The following POLR1D variants were observed in gnomAD, a reference collection of about 807,000 sequenced individuals.
The protein encoded by POLR1D is RNA polymerase I and III subunit D.
A neutral mutation model predicts 10.8 loss-of-function variants in POLR1D; 8 were observed. The ratio of observed to expected loss-of-function variants is 0.74; its 90% CI spans 0.43 to 1.33. The LOEUF is 1.33. Ranked by LOEUF, POLR1D falls within the 40% of genes most tolerant of loss-of-function variation. The pLI is 0.01. For missense variants in POLR1D, 152 were observed against 161.7 expected (o/e 0.94, Z 0.32); for synonymous variants, 54 against 57.2 (o/e 0.94, Z 0.25).
intron 1 of POLR1D, among the ~76,000 whole-genome samples, chr13:27,640,634 A>G (rs1466955475): frequency 6.6e-6 from 1 of 152,166 alleles, no homozygotes; most frequent in Non-Finnish European, 1.5e-5. Context: ...ACATTTTGCA[A>G]TCTTAAATCA....
chr13:27,645,242 G>A (rs1238736005), intron 1 of POLR1D, among the ~76,000 whole-genome samples: 1 of 152,108 alleles, frequency 6.6e-6, no homozygotes, highest in African/African-American at 2.4e-5. Flanking sequence ...TGCAGTAGTG[G>A]CACTCTGTTA....
chr13:27,665,893 C>T (rs370713004), exon 3 of POLR1D: 11 of 1,613,876 alleles, frequency 6.8e-6, no homozygotes, highest in Admixed American at 3.3e-5. Context: ...CCGCCAGTTA[C>T]TCCCCGCCAC....
At chr13:27,662,285 G>T (rs529894171) in intron 2 of POLR1D, among the ~76,000 whole-genome samples, 2 of 152,050 alleles carry the variant, frequency 1.3e-5, no homozygotes, top group Admixed American at 1.3e-4. Context: ...TAAAACCTTT[G>T]TATCCAAATA....
chr13:27,631,106 A>G (rs1956068655), intron 1 of POLR1D, among the ~76,000 whole-genome samples: 1 of 152,226 alleles, frequency 6.6e-6, no homozygotes, highest in African/African-American at 2.4e-5. Context: ...AGATTATCCC[A>G]AAACTTAGTG....
At chr13:27,648,244 AT>A in intron 1 of POLR1D, 1 of 630,288 alleles carries the variant, frequency 1.6e-6, no homozygotes, top group South Asian at 1.7e-5. Flanking sequence ...ATTGTCAACC[AT>A]TTAAAAAAAA....
intron 1 of POLR1D, among the ~76,000 whole-genome samples, chr13:27,644,436 T>A (rs1400962584): frequency 2.0e-5 from 3 of 152,214 alleles, no homozygotes; most frequent in Non-Finnish European, 4.4e-5. Flanking sequence ...CAGTTGACAT[T>A]CCTTAAGCAT....
At position 27,648,123 on chromosome 13, in the gene POLR1D, T is replaced by C. The variant is rs1375351492; in HGVS notation, c.27-256T>C. The C allele has an allele frequency of 8.7e-6, 3 of 345,356 alleles. No homozygotes were observed. In the Admixed American group the frequency reaches 1.2e-4, roughly 14 times the overall value. 21.4% of individuals were successfully genotyped at this position (345,356 alleles called of 1,614,324 possible). On this transcript the variant is annotated intron_variant, in intron 1 of 2. Transcript: ENST00000399697. Reference sequence around the variant, plus strand: ...GAAAAGATAATTCTTATATTAAGGATATATGATTTAACTGTCTCATATCAA... The same window carrying C: ...GAAAAGATAATTCTTATATTAAGGACATATGATTTAACTGTCTCATATCAA...
In POLR1D at chr13:27,665,426, C is replaced by T. The variant is rs1956405947; in HGVS notation, c.102-260C>T. On this transcript the variant is annotated intron_variant, in intron 2 of 2. Coordinates refer to the POLR1D transcript ENST00000399697. ...TGTGGTCAATACCTGTACATATGAA[C>T]TTCAGTAGGAAATTTAGTCCCAGGA... 3 of 501,176 alleles carry T rather than the reference C, an allele frequency of 6.0e-6. No homozygotes were observed. In the East Asian group the frequency reaches 1.1e-4, roughly 18 times the overall value. 31.0% of individuals were successfully genotyped at this position (501,176 alleles called of 1,614,324 possible).
At chr13:27,624,800 A>G (rs753502387), downstream of POLR1D, among the ~76,000 whole-genome samples, 9 of 152,142 alleles carry the variant, frequency 5.9e-5, no homozygotes, top group Non-Finnish European at 1.3e-4. Context: ...AGGCGAGAGG[A>G]TATCTTGAAC....
intron 2 of POLR1D, chr13:27,648,512 A>G (rs1374167956): frequency 9.6e-7 from 1 of 1,041,098 alleles, no homozygotes; most frequent in African/African-American, 1.6e-5. Context: ...CTGGAGATAT[A>G]AATATGTAAA....
chr13:27,654,086 C>G (rs1393077506), intron 2 of POLR1D, among the ~76,000 whole-genome samples: 1 of 152,180 alleles, frequency 6.6e-6, no homozygotes, highest in Non-Finnish European at 1.5e-5. Flanking sequence ...TTTTCTTACT[C>G]ACTTGTAAAT....
intron 1 of POLR1D, among the ~76,000 whole-genome samples, chr13:27,631,756 G>A (rs935047230): frequency 2.6e-5 from 4 of 152,194 alleles, no homozygotes; most frequent in African/African-American, 9.7e-5. Context: ...GCACACAGTA[G>A]GCTTTCATTA....
At chr13:27,656,684 G>C (rs1014523349) in intron 2 of POLR1D, among the ~76,000 whole-genome samples, 2 of 152,184 alleles carry the variant, frequency 1.3e-5, no homozygotes, top group Non-Finnish European at 2.9e-5. Context: ...GCTCTGTGCA[G>C]GGCCATGGGC....
chr13:27,623,173 C>A lies in POLR1D; in HGVS notation c.325C>A (p.His109Asn). 1 of 1,614,134 alleles carries A rather than the reference C, an allele frequency of 6.2e-7. No homozygotes were observed. The highest frequency in any genetic ancestry group is 1.1e-5 in the South Asian group (1 of 91,078). ...GLNELMNVCQ[H>N]VLDKFEASIK... ...GAATGAGCTCATGAATGTCTGCCAACATGTGCTTGACAAGTTTGAGGCCAG... is the reference window on the plus strand; with the variant it reads ...GAATGAGCTCATGAATGTCTGCCAAAATGTGCTTGACAAGTTTGAGGCCAG... The change falls in exon 2 of 2, where the codon CAT (histidine) becomes AAT (asparagine). Residue 109 changes from histidine to asparagine, a missense_variant. Transcript: ENST00000302979.
intron 1 of POLR1D, among the ~76,000 whole-genome samples, chr13:27,632,641 A>ACCCCCCC (rs11378549): frequency 6.9e-6 from 1 of 145,154 alleles, no homozygotes; most frequent in Non-Finnish European, 1.5e-5. Flanking sequence ...AAATTGCAGC[A>ACCCCCCC]CCCCCCGCCC....
downstream of POLR1D, among the ~76,000 whole-genome samples, chr13:27,626,421 C>A (rs568131210): frequency 6.6e-6 from 1 of 152,116 alleles, no homozygotes; most frequent in Non-Finnish European, 1.5e-5. Context: ...CATAAACTCA[C>A]GGGTTCATAC....
intron 1 of POLR1D, among the ~76,000 whole-genome samples, chr13:27,636,036 A>C (rs570937995): frequency 1.3e-5 from 2 of 152,192 alleles, no homozygotes. Context: ...GAGTAAGTCT[A>C]TTCAGTCTGG....
At chr13:27,666,432 A>G (rs1956419806) in exon 3 of POLR1D, 1 of 154,478 alleles carries the variant, frequency 6.5e-6, no homozygotes, top group Admixed American at 6.4e-5. Flanking sequence ...ATTTATCGAG[A>G]AGCTCTTTGA....
At chr13:27,634,333 A>G (rs1236900475) in intron 1 of POLR1D, among the ~76,000 whole-genome samples, 1 of 152,198 alleles carries the variant, frequency 6.6e-6, no homozygotes, top group Non-Finnish European at 1.5e-5. Context: ...ACTTGTAGCA[A>G]GCAAGCAGAG....
Sources: allele counts gnomAD v4.1 joint callset (sites outside exome capture counted in the v4.1 genomes callset), GRCh38; gene constraint gnomAD v4.1.1; transcripts MANE v1.5; gene names NCBI Gene and HGNC (gene_info 2026-07-23, HGNC 2026-07-21).